The following BSPRY variants were observed in gnomAD, a reference collection of about 807,000 sequenced individuals.
BSPRY encodes the protein B box and SPRY domain-containing protein.
BSPRY carries 33 observed loss-of-function variants against 38.0 expected under a neutral mutation model. That is an observed-to-expected ratio of 0.87 (90% CI 0.66 to 1.16). The LOEUF (loss-of-function observed/expected upper bound fraction) is 1.16. BSPRY is among the 50% of genes most tolerant of loss of function. BSPRY has a pLI of 0.00. For missense variants in BSPRY, 523 were observed against 533.2 expected, an observed-to-expected ratio of 0.98 and a Z score of 0.19; for synonymous variants, 224 against 228.5, an observed-to-expected ratio of 0.98 and a Z score of 0.18.
chr9:113,351,202 C>G (rs1465930032), intron 1 of BSPRY, among the ~76,000 whole-genome samples: 2 of 152,100 alleles, frequency 1.3e-5, no homozygotes, highest in African/African-American at 4.8e-5. Context: ...AGTTTCGGTA[C>G]TACCCTAGGG....
intron 4 of BSPRY, among the ~76,000 whole-genome samples, chr9:113,366,090 C>A (rs894066472): frequency 1.3e-5 from 2 of 152,140 alleles, no homozygotes; most frequent in Admixed American, 6.5e-5. Context: ...CAGGCATAAG[C>A]CACCATGCCC....
At chr9:113,356,956 A>G (rs780848518) in intron 2 of BSPRY, among the ~76,000 whole-genome samples, 7 of 152,178 alleles carry the variant, frequency 4.6e-5, no homozygotes, top group Non-Finnish European at 8.8e-5. Flanking sequence ...AGCTGCATAT[A>G]TGAGTTGGGA....
intron 2 of BSPRY, among the ~76,000 whole-genome samples, chr9:113,357,928 ATATATATATATATATC>A (rs1465771911): frequency 6.3e-5 from 2 of 31,626 alleles, no homozygotes; most frequent in African/African-American, 1.8e-4. Flanking sequence ...ATATATATAT[ATATATATATATATATC>A]TCTATTAAGC....
chr9:113,352,798 T>C (rs544943196), intron 1 of BSPRY, among the ~76,000 whole-genome samples: 47 of 152,082 alleles, frequency 3.1e-4, no homozygotes, highest in Non-Finnish European at 5.9e-4. Context: ...AGTTAAGAGG[T>C]TCTAACAGTG....
At chr9:113,363,730 A>G (rs1302416514) in intron 4 of BSPRY, among the ~76,000 whole-genome samples, 1 of 151,130 alleles carries the variant, frequency 6.6e-6, no homozygotes, top group Non-Finnish European at 1.5e-5. Flanking sequence ...AAAAATACAA[A>G]AATTAGGTGT....
chr9:113,368,668 A>C (rs1399008611), intron 5 of BSPRY, among the ~76,000 whole-genome samples: 2 of 152,194 alleles, frequency 1.3e-5, no homozygotes, highest in South Asian at 2.1e-4. Context: ...AGGGCAGCCC[A>C]GTATTATTTA....
intron 1 of BSPRY, among the ~76,000 whole-genome samples, chr9:113,353,233 C>T (rs1052293393): frequency 6.6e-6 from 1 of 151,930 alleles, no homozygotes; most frequent in African/African-American, 2.4e-5. Flanking sequence ...ACAAAAAATG[C>T]AAAAAGTAGC....
chr9:113,350,170 G>T (rs750305921), intron 1 of BSPRY, among the ~76,000 whole-genome samples: 12 of 152,172 alleles, frequency 7.9e-5, no homozygotes, highest in Non-Finnish European at 1.5e-4. Context: ...GCTGGGGCTG[G>T]CATGAAAGGC....
At position 113,360,687 on chromosome 9, in the gene BSPRY, C is replaced by T. The variant is rs200736083; in HGVS notation, c.481C>T (p.Arg161Cys). 259 of 1,605,546 alleles carry T rather than the reference C, an allele frequency of 1.6e-4. No homozygotes were observed. The highest frequency in any genetic ancestry group is 2.1e-4 in the Non-Finnish European group (253 of 1,177,208). ...GGCGCTGCAGAAACTTGACACCATC[C>T]GCACTGGCCTGGTGGGCATGCTTAC... ...AEALQKLDTI[R>C]TGLVGMLTHL... Residue 161 changes from arginine to cysteine, a missense_variant, in exon 3 of 6, where the codon CGC becomes TGC. Physicochemically the swap from Arg to Cys is radical, Grantham distance 180. Coordinates refer to ENST00000374183, the MANE Select transcript of BSPRY (RefSeq NM_017688.3).
At chr9:113,351,951 A>G (rs1833978591) in intron 1 of BSPRY, among the ~76,000 whole-genome samples, 1 of 152,146 alleles carries the variant, frequency 6.6e-6, no homozygotes, top group Non-Finnish European at 1.5e-5. Flanking sequence ...CTGGGACTAC[A>G]GGCGCATGCC....
intron 1 of BSPRY, among the ~76,000 whole-genome samples, chr9:113,351,791 TA>T (rs1198168574): frequency 6.6e-6 from 1 of 151,988 alleles, no homozygotes. Context: ...CCTTTTTTTT[TA>T]AAATTTATTT....
intron 2 of BSPRY, among the ~76,000 whole-genome samples, chr9:113,358,553 C>T (rs1215704851): frequency 6.6e-6 from 1 of 152,118 alleles, no homozygotes; most frequent in Non-Finnish European, 1.5e-5. Context: ...CAGGTATGAG[C>T]CACCGTGTCC....
intron 2 of BSPRY, among the ~76,000 whole-genome samples, chr9:113,354,688 T>C (rs1008541240): frequency 1.3e-5 from 2 of 152,140 alleles, no homozygotes; most frequent in Admixed American, 1.3e-4. Flanking sequence ...TCTTATGAAG[T>C]AGATAGCAGT....
At chr9:113,357,397 T>C (rs1834077679) in intron 2 of BSPRY, among the ~76,000 whole-genome samples, 1 of 152,222 alleles carries the variant, frequency 6.6e-6, no homozygotes, top group African/African-American at 2.4e-5. Context: ...TAATACAAAA[T>C]TTCTGAATTT....
intron 4 of BSPRY, among the ~76,000 whole-genome samples, chr9:113,363,531 A>G (rs10981771): frequency 0.39 from 59,086 of 151,768 alleles, 13,255 homozygotes; most frequent in African/African-American, 0.62. Context: ...ACAGATGTGC[A>G]TTTGTGGACT....
chr9:113,350,459 C>T (rs1266897692), intron 1 of BSPRY, among the ~76,000 whole-genome samples: 4 of 152,130 alleles, frequency 2.6e-5, no homozygotes, highest in Admixed American at 6.5e-5. Context: ...TCCCCTTCAC[C>T]CAGGCTTTCT....
At chr9:113,352,564 T>G (rs1245102676) in intron 1 of BSPRY, among the ~76,000 whole-genome samples, 1 of 151,762 alleles carries the variant, frequency 6.6e-6, no homozygotes, top group African/African-American at 2.4e-5. Context: ...TTTGGTACAT[T>G]TAAGGAACAG....
chr9:113,359,883 TA>T (rs58581228), intron 2 of BSPRY, among the ~76,000 whole-genome samples: 19,419 of 110,310 alleles, frequency 0.18, 2,917 homozygotes, highest in African/African-American at 0.42. Context: ...AAAAAAAATT[TA>T]AAAAAAAAAA....
intron 4 of BSPRY, among the ~76,000 whole-genome samples, chr9:113,363,830 A>C (rs1834196394): frequency 7.5e-6 from 1 of 132,952 alleles, no homozygotes; most frequent in African/African-American, 2.9e-5. Context: ...GTGAGCTGAG[A>C]TGCGCCACTG....
Sources: allele counts gnomAD v4.1 joint callset (sites outside exome capture counted in the v4.1 genomes callset), GRCh38; gene constraint gnomAD v4.1.1; transcripts MANE v1.5; gene names NCBI Gene and HGNC (gene_info 2026-07-23, HGNC 2026-07-21).